Variants in PTPRT observed in about 807,000 individuals in gnomAD.
PTPRT encodes protein tyrosine phosphatase receptor type T.
In PTPRT, 56 loss-of-function variants were observed where a neutral mutation model predicts 176.8. The observed-to-expected ratio is 0.32, with a 90% CI of 0.26 to 0.40. PTPRT has a LOEUF of 0.40. Among genes scored for constraint, PTPRT ranks in the 10% least tolerant of loss-of-function variants. PTPRT has a pLI of 1.00. For missense variants in PTPRT, 1,540 were observed against 1,908.2 expected, an observed-to-expected ratio of 0.81 and a Z score of 3.60; for synonymous variants, 783 against 739.0, an observed-to-expected ratio of 1.06 and a Z score of -0.96.
At chr20:42,586,374 T>A (rs896846992) in intron 7 of PTPRT, among the ~76,000 whole-genome samples, 9 of 152,200 alleles carry the variant, frequency 5.9e-5, no homozygotes, top group African/African-American at 2.2e-4. Context: ...ACCATTTTGA[T>A]TTCAGTTGAA....
chr20:43,087,404 G>A (rs1007353862), intron 1 of PTPRT, among the ~76,000 whole-genome samples: 30 of 130,442 alleles, frequency 2.3e-4, no homozygotes, highest in African/African-American at 8.1e-4. Flanking sequence ...AAACAGGGTC[G>A]CCCAGGCTGA....
chr20:42,046,581 C>G, the PTPRT span, among the ~76,000 whole-genome samples: 1 of 152,184 alleles, frequency 6.6e-6, no homozygotes, highest in Non-Finnish European at 1.5e-5. Context: ...TGTTTATAAA[C>G]GACTTACAGT....
chr20:43,138,427 C>A (rs929896395), intron 1 of PTPRT, among the ~76,000 whole-genome samples: 1 of 152,202 alleles, frequency 6.6e-6, no homozygotes, highest in African/African-American at 2.4e-5. Flanking sequence ...AGCCATGCGA[C>A]CCTGGGCAGG....
chr20:42,609,227 C>A (rs1009657847), intron 7 of PTPRT, among the ~76,000 whole-genome samples: 3 of 152,042 alleles, frequency 2.0e-5, no homozygotes, highest in African/African-American at 7.2e-5. Flanking sequence ...ACACACATGA[C>A]CATGCCGGGC....
At chr20:43,040,043 A>C (rs898061206) in intron 1 of PTPRT, among the ~76,000 whole-genome samples, 1 of 152,180 alleles carries the variant, frequency 6.6e-6, no homozygotes. Flanking sequence ...CTGGTCTCAA[A>C]AAAAAAGGAA....
At chr20:42,557,470 C>T (rs563562149) in intron 7 of PTPRT, among the ~76,000 whole-genome samples, 3 of 152,204 alleles carry the variant, frequency 2.0e-5, no homozygotes, top group African/African-American at 7.2e-5. Context: ...ATCTCCATCC[C>T]TCTGCTAATA....
intron 2 of PTPRT, among the ~76,000 whole-genome samples, chr20:42,833,349 A>G (rs1205670953): frequency 6.6e-6 from 1 of 151,704 alleles, no homozygotes; most frequent in East Asian, 1.9e-4. Context: ...AGACAAGAGG[A>G]TCGCCTGAGC....
At chr20:42,871,157 G>A (rs991450474) in intron 2 of PTPRT, among the ~76,000 whole-genome samples, 5 of 151,458 alleles carry the variant, frequency 3.3e-5, no homozygotes, top group African/African-American at 1.2e-4. Context: ...TCACCATGTT[G>A]GCCAGGTTGG....
At chr20:42,819,778 T>C (rs946769211) in intron 2 of PTPRT, among the ~76,000 whole-genome samples, 1 of 151,780 alleles carries the variant, frequency 6.6e-6, no homozygotes, top group African/African-American at 2.4e-5. Context: ...GCAATCCTAA[T>C]CTCTGATAAA....
chr20:42,367,011 G>A (rs539533130), intron 9 of PTPRT, among the ~76,000 whole-genome samples: 11 of 152,100 alleles, frequency 7.2e-5, no homozygotes, highest in East Asian at 1.9e-4. Flanking sequence ...TCCTTCTCCC[G>A]CATTTTATTT....
chr20:42,884,728 C>A (rs555604292), intron 2 of PTPRT, among the ~76,000 whole-genome samples: 1 of 152,080 alleles, frequency 6.6e-6, no homozygotes, highest in African/African-American at 2.4e-5. Flanking sequence ...TGGTGAAAAC[C>A]AAGACAGGTG....
intron 12 of PTPRT, among the ~76,000 whole-genome samples, chr20:42,291,294 C>T (rs75639506): frequency 0.015 from 2,230 of 152,208 alleles, 59 homozygotes; most frequent in African/African-American, 0.051. Context: ...GCTACAAATA[C>T]GACCAAAGTA....
intron 3 of PTPRT, among the ~76,000 whole-genome samples, chr20:42,784,150 TGCAAA>T (rs556419223): frequency 8.1e-4 from 123 of 152,308 alleles, no homozygotes; most frequent in African/African-American, 2.9e-3. Context: ...TGACTACTTG[TGCAAA>T]GCCAGGAAGC....
intron 2 of PTPRT, among the ~76,000 whole-genome samples, chr20:42,830,537 A>T (rs2078066747): frequency 6.6e-6 from 1 of 152,206 alleles, no homozygotes; most frequent in African/African-American, 2.4e-5. Flanking sequence ...AAACCAGTAC[A>T]CAACAGGGAT....
chr20:42,087,056 G>A (rs1006065378), intron 27 of PTPRT, among the ~76,000 whole-genome samples: 1 of 151,602 alleles, frequency 6.6e-6, no homozygotes, highest in Non-Finnish European at 1.5e-5. Context: ...TCTGGGCAAT[G>A]TCTGAAGACA....
At chr20:42,942,958 T>C (rs138022308) in intron 1 of PTPRT, among the ~76,000 whole-genome samples, 5 of 152,348 alleles carry the variant, frequency 3.3e-5, no homozygotes, top group African/African-American at 1.2e-4. Flanking sequence ...TATTAAACTC[T>C]GCAACAGAGA....
Position 42,102,254 on chromosome 20 carries a change from C to A in PTPRT, c.3584G>T (p.Ser1195Ile), listed in dbSNP as rs748653543. ...VTPRVRPEDCSIGLLPRNHDK... is the reference protein window; with the variant it reads ...VTPRVRPEDCIIGLLPRNHDK... ...ATGGTTCCGGGGCAGGAGCCCAATG[C>A]TGCAGTCCTCGGGCCGCACACGGGG... The change falls in exon 26 of 31, where the codon AGC (serine) becomes ATC (isoleucine). Residue 1195 changes from serine (S) to isoleucine (I), a missense_variant. By Grantham distance (142) the Ser-to-Ile change is moderately radical (BLOSUM62 -2). Transcript: ENST00000373187. 6.2e-7 allele frequency: 1 copy of A among 1,614,064 alleles called. No homozygotes were observed. The highest frequency in any genetic ancestry group is 2.2e-5 in the East Asian group (1 of 44,888).
chr20:42,492,306 G>A (rs1395362753), intron 7 of PTPRT, among the ~76,000 whole-genome samples: 2 of 152,148 alleles, frequency 1.3e-5, no homozygotes, highest in Admixed American at 6.6e-5. Flanking sequence ...ATTTCCACCA[G>A]CAACGTAGGA....
At chr20:42,411,793 C>A (rs2059021346) in intron 9 of PTPRT, among the ~76,000 whole-genome samples, 1 of 151,748 alleles carries the variant, frequency 6.6e-6, no homozygotes, top group African/African-American at 2.4e-5. Flanking sequence ...ACGCATTTCA[C>A]CAAGAAAAAT....
Sources: allele counts gnomAD v4.1 joint callset (sites outside exome capture counted in the v4.1 genomes callset), GRCh38; gene constraint gnomAD v4.1.1; transcripts MANE v1.5; gene names NCBI Gene and HGNC (gene_info 2026-07-23, HGNC 2026-07-21).